The following TAF2 variants were observed in gnomAD, a reference collection of about 807,000 sequenced individuals.
The protein encoded by TAF2 is TATA-box binding protein associated factor 2.
In TAF2, 61 loss-of-function variants were observed where a neutral mutation model predicts 138.5. That is an observed-to-expected ratio of 0.44 (90% CI 0.36 to 0.54). The LOEUF is 0.54. Ranked by LOEUF, TAF2 falls within the 20% of genes least tolerant of loss-of-function variation. The probability of loss-of-function intolerance (pLI) is 0.00; values close to 1 mark genes in which losing one functional copy is unlikely to be tolerated. For synonymous variants in TAF2, 475 were observed against 469.9 expected (o/e 1.01, Z -0.14); for missense variants, 1,090 against 1,427.9 (o/e 0.76, Z 3.81).
chr8:119,778,416 A>T (rs1822410114), intron 17 of TAF2, among the ~76,000 whole-genome samples: 1 of 152,190 alleles, frequency 6.6e-6, no homozygotes, highest in Non-Finnish European at 1.5e-5. Context: ...TGTGATGTAA[A>T]TTATATAAAT....
chr8:119,816,558 G>A (rs1825491153), intron 3 of TAF2, among the ~76,000 whole-genome samples: 1 of 152,012 alleles, frequency 6.6e-6, no homozygotes, highest in African/African-American at 2.4e-5. Flanking sequence ...TTCTGTTTTA[G>A]CTTTATTGGT....
intron 21 of TAF2, among the ~76,000 whole-genome samples, chr8:119,757,156 C>T (rs1820756037): frequency 6.6e-6 from 1 of 152,066 alleles, no homozygotes; most frequent in Non-Finnish European, 1.5e-5. Flanking sequence ...GTAATTTAAC[C>T]CCTTTTGGCT....
At chr8:119,777,512 G>C (rs765359916) in intron 18 of TAF2, among the ~76,000 whole-genome samples, 4 of 151,996 alleles carry the variant, frequency 2.6e-5, no homozygotes, top group Non-Finnish European at 4.4e-5. Context: ...GCTGATTGTT[G>C]GAATGATAAC....
chr8:119,806,465 CTTTCTTT>C, intron 3 of TAF2, 64 bp from the exon 4 acceptor site: 13 of 993,676 alleles, frequency 1.3e-5, no homozygotes, highest in East Asian at 3.0e-5. Context: ...ATTTTTCTTT[CTTTCTTT>C]TTTTTTTTTT....
At chr8:119,755,958 A>G in intron 22 of TAF2, 48 bp downstream of exon 22, 1 of 1,399,288 alleles carries the variant, frequency 7.1e-7, no homozygotes, top group Non-Finnish European at 1.0e-6. Flanking sequence ...TTGTAAAATC[A>G]AAATACTCTA....
At chr8:119,750,663 A>G (rs181852020) in intron 22 of TAF2, among the ~76,000 whole-genome samples, 28 of 152,282 alleles carry the variant, frequency 1.8e-4, no homozygotes, top group African/African-American at 6.3e-4. Flanking sequence ...CATTCCTAAG[A>G]AAGAAGGTAT....
intron 7 of TAF2, 99 bp from the exon 8 acceptor site, chr8:119,797,202 T>G (rs1008284011): frequency 1.3e-5 from 12 of 904,832 alleles, no homozygotes; most frequent in Non-Finnish European, 1.9e-5. Context: ...GGAAGCTAAA[T>G]AGAGAAAAAA....
intron 4 of TAF2, among the ~76,000 whole-genome samples, chr8:119,805,999 G>A (rs1433026566): frequency 1.3e-5 from 2 of 151,788 alleles, no homozygotes; most frequent in African/African-American, 4.8e-5. Flanking sequence ...CCACCTCCTG[G>A]GTTCAAGCAA....
At chr8:119,765,798 A>G (rs970956682) in intron 18 of TAF2, among the ~76,000 whole-genome samples, 41 of 152,364 alleles carry the variant, frequency 2.7e-4, no homozygotes, top group Middle Eastern at 6.8e-3. Flanking sequence ...GATAGGTAAC[A>G]TAACTGTCGG....
chr8:119,734,723 T>G (rs1289903870), intron 25 of TAF2, among the ~76,000 whole-genome samples: 2 of 152,080 alleles, frequency 1.3e-5, no homozygotes, highest in African/African-American at 4.8e-5. Context: ...TCCTAGGAGC[T>G]TACAGACTAG....
chr8:119,747,740 C>G (rs1469674840), intron 22 of TAF2, among the ~76,000 whole-genome samples: 1 of 152,130 alleles, frequency 6.6e-6, no homozygotes, highest in South Asian at 2.1e-4. Context: ...TAGGGTTACA[C>G]AATCTATATG....
At chr8:119,733,930 G>A (rs1443213486) in intron 25 of TAF2, among the ~76,000 whole-genome samples, 2 of 152,108 alleles carry the variant, frequency 1.3e-5, no homozygotes, top group Non-Finnish European at 2.9e-5. Flanking sequence ...TGGATTAAGT[G>A]TCTAATGTAT....
At chr8:119,828,235 C>T (rs1826223491) in intron 2 of TAF2, among the ~76,000 whole-genome samples, 1 of 152,070 alleles carries the variant, frequency 6.6e-6, no homozygotes, top group Non-Finnish European at 1.5e-5. Flanking sequence ...GTTGAGAGGT[C>T]CTAGTGCCTA....
intron 2 of TAF2, among the ~76,000 whole-genome samples, chr8:119,827,450 T>C (rs1426123615): frequency 3.3e-5 from 5 of 152,338 alleles, no homozygotes; most frequent in Admixed American, 2.0e-4. Context: ...TTTTCTAATC[T>C]GACCTATAAA....
chr8:119,831,146 C>T (rs1826420237), intron 2 of TAF2, among the ~76,000 whole-genome samples: 1 of 152,054 alleles, frequency 6.6e-6, no homozygotes, highest in African/African-American at 2.4e-5. Flanking sequence ...AATGTTCAAG[C>T]TTTTTCCTAA....
chr8:119,738,603 T>C (rs1190742882), intron 25 of TAF2, among the ~76,000 whole-genome samples: 3 of 152,190 alleles, frequency 2.0e-5, no homozygotes, highest in African/African-American at 7.2e-5. Flanking sequence ...TTCAGAGTTG[T>C]ATTGTTCTAC....
At chr8:119,831,772 T>TAAAAATTA in intron 1 of TAF2, 41 bp from the exon 2 acceptor site, 1 of 1,300,610 alleles carries the variant, frequency 7.7e-7, no homozygotes, top group Non-Finnish European at 1.1e-6. Context: ...GAAAAAATAA[T>TAAAAATTA]TTTTATTATT....
intron 25 of TAF2, among the ~76,000 whole-genome samples, chr8:119,741,052 C>T (rs988389288): frequency 5.3e-5 from 8 of 152,218 alleles, no homozygotes; most frequent in African/African-American, 1.9e-4. Flanking sequence ...GTGTTTCTTT[C>T]TCCCCAGTCT....
intron 2 of TAF2, among the ~76,000 whole-genome samples, chr8:119,826,077 C>A (rs1448043829): frequency 6.6e-6 from 1 of 151,772 alleles, no homozygotes; most frequent in Admixed American, 6.6e-5. Context: ...CACATGGACA[C>A]AGGGAGGGGA....
Sources: allele counts gnomAD v4.1 joint callset (sites outside exome capture counted in the v4.1 genomes callset), GRCh38; gene constraint gnomAD v4.1.1; transcripts MANE v1.5; gene names NCBI Gene and HGNC (gene_info 2026-07-23, HGNC 2026-07-21).